Variants in RREB1 observed in about 807,000 individuals in gnomAD.
RREB1 encodes the protein ras-responsive element-binding protein 1.
In RREB1, 27 loss-of-function variants were observed where a neutral mutation model predicts 117.8. That is an observed-to-expected ratio of 0.23 (90% CI 0.17 to 0.32). The LOEUF (loss-of-function observed/expected upper bound fraction) is 0.32, where lower values mean the gene tolerates loss of function less well. RREB1 is among the 10% of genes least tolerant of loss of function. The pLI is 1.00. For synonymous variants in RREB1, 1,298 were observed against 1,026.7 expected (o/e 1.26, Z -5.05); for missense variants, 2,577 against 2,378.2 (o/e 1.08, Z -1.74).
Position 7,148,973 on chromosome 6 carries a change from A to G in RREB1, c.-284-27682A>G, listed in dbSNP as rs563225033. 4.6e-5 allele frequency among the ~76,000 whole-genome samples: 7 copies of G among 152,214 alleles called. No individual in the cohort carries two copies. The South Asian group carries it at 1.5e-3, about 32-fold the overall frequency. On this transcript the variant is annotated intron_variant, in intron 1 of 12. Coordinates refer to ENST00000379938, the MANE Select transcript of RREB1 (RefSeq NM_001003699.4). ...AGTCTTGCTCTGTTGCCCAGAATGG[A>G]GTGCAATGGCATGATTTCGGCTCAC... is the stretch of plus-strand genomic sequence containing the variant.
intron 10 of RREB1, among the ~76,000 whole-genome samples, chr6:7,235,509 G>A (rs1485322575): frequency 6.6e-6 from 1 of 152,154 alleles, no homozygotes; most frequent in African/African-American, 2.4e-5. Flanking sequence ...TTTTGCTTTT[G>A]TACAGACAAG....
At chr6:7,199,000 G>A (rs1765801960) in intron 6 of RREB1, among the ~76,000 whole-genome samples, 2 of 152,132 alleles carry the variant, frequency 1.3e-5, no homozygotes, top group Non-Finnish European at 2.9e-5. Flanking sequence ...CCCCCCAGTA[G>A]CATTATTAAG....
intron 2 of RREB1, among the ~76,000 whole-genome samples, chr6:7,180,675 T>C (rs1361930493): frequency 6.6e-6 from 1 of 152,246 alleles, no homozygotes; most frequent in Non-Finnish European, 1.5e-5. Context: ...ATTCTTTTCA[T>C]GTCGCCAGGT....
At chr6:7,187,633 A>AGTGTTTAACTCCTT in intron 5 of RREB1, 110 bp downstream of exon 5, 1 of 437,900 alleles carries the variant, frequency 2.3e-6, no homozygotes, top group Non-Finnish European at 3.6e-6. Flanking sequence ...TAGAACAAGG[A>AGTGTTTAACTCCTT]GTTAAACACT....
intron 11 of RREB1, among the ~76,000 whole-genome samples, chr6:7,241,317 G>A (rs368510446): frequency 6.6e-5 from 10 of 152,124 alleles, no homozygotes; most frequent in East Asian, 3.9e-4. Context: ...CACTCCATCC[G>A]CTCGGACTGC....
Position 7,160,935 on chromosome 6 carries a change from C to A in RREB1, c.-284-15720C>A, listed in dbSNP as rs561093051. ...TCCTGACCTCGTGATCCACCCGCCT[C>A]AGCCTTCCAAAGTGCTGGGATTACA... is the stretch of plus-strand genomic sequence containing the variant. On this transcript the variant is annotated intron_variant, in intron 1 of 12. Transcript: ENST00000379938. 1.1e-4 allele frequency among the ~76,000 whole-genome samples: 17 copies of A among 152,310 alleles called. No homozygotes were observed. In the South Asian group the frequency reaches 3.3e-3, roughly 30 times the overall value.
At chr6:7,165,492 A>C (rs143611891) in intron 1 of RREB1, among the ~76,000 whole-genome samples, 23 of 152,260 alleles carry the variant, frequency 1.5e-4, no homozygotes, top group African/African-American at 4.8e-4. Context: ...CTTGGTTTCA[A>C]AAGTATGCCA....
intron 1 of RREB1, among the ~76,000 whole-genome samples, chr6:7,170,193 G>A (rs1399201883): frequency 6.6e-6 from 1 of 152,210 alleles, no homozygotes; most frequent in Non-Finnish European, 1.5e-5. Context: ...CCTAGTCAGA[G>A]TAAGGAGCAG....
At chr6:7,224,139 A>T (rs1464875311) in intron 8 of RREB1, among the ~76,000 whole-genome samples, 1 of 152,172 alleles carries the variant, frequency 6.6e-6, no homozygotes, top group African/African-American at 2.4e-5. Context: ...TTTGGCTTGC[A>T]AAATTCTGGT....
intron 10 of RREB1, among the ~76,000 whole-genome samples, chr6:7,232,576 G>A (rs941733765): frequency 6.6e-6 from 1 of 151,922 alleles, no homozygotes; most frequent in South Asian, 2.1e-4. Flanking sequence ...AGGGCCTGGC[G>A]CTGGTCCAGG....
chr6:7,214,935 T>C (rs1344533825), intron 8 of RREB1: 1 of 152,256 alleles, frequency 6.6e-6, no homozygotes, highest in Non-Finnish European at 1.5e-5. Context: ...AATGAAGTGT[T>C]GTCGTAGAAC....
rs1322326780 is a variant in RREB1 at position 7,229,412 on chromosome 6, C to T, written c.1313C>T (p.Ser438Phe). 1.2e-6 allele frequency: 2 copies of T among 1,614,048 alleles called. No individual in the cohort carries two copies. Among genetic ancestry groups the T allele is most frequent in the African/African-American group, 2.7e-5 (2 of 74,932 alleles). Residue 438 changes from serine (S) to phenylalanine (F), a missense_variant, in exon 10 of 13, where the codon TCC becomes TTC. Physicochemically the swap from Ser to Phe is radical, Grantham distance 155 (BLOSUM62 -2). Transcript: ENST00000379938. The surrounding 1 kb of genome is among the most constrained non-coding windows in gnomAD (Gnocchi z 4.5). ...ACCAAGGACAGCATAAAGCACCTGTCCCTGCAGCCCTTCCAGAAGGGCTTC... is the reference window on the plus strand; with the variant it reads ...ACCAAGGACAGCATAAAGCACCTGTTCCTGCAGCCCTTCCAGAAGGGCTTC... The part of the protein sequence containing the change: ...PATKDSIKHL[S>F]LQPFQKGFII...
At chr6:7,240,629 C>T (rs779348205) in intron 11 of RREB1, 27 bp downstream of exon 11, 1 of 1,598,280 alleles carries the variant, frequency 6.3e-7, no homozygotes, top group Non-Finnish European at 8.5e-7. Flanking sequence ...AACAAGAACC[C>T]AGGAAGAGGG....
At position 7,249,628 on chromosome 6, in the gene RREB1, C is replaced by T. The variant is rs907634787; in HGVS notation, c.*660C>T. Reference sequence around the variant, plus strand: ...CCAGGGAAGATTCTAGCTTCAGCCTCATGTCCATTTCCAGTCTGTCAGCAT... The same window carrying T: ...CCAGGGAAGATTCTAGCTTCAGCCTTATGTCCATTTCCAGTCTGTCAGCAT... On this transcript the variant is annotated 3_prime_UTR_variant, in exon 13 of 13. Transcript: ENST00000379938. 3.3e-5 allele frequency: 5 copies of T among 152,168 alleles called. No homozygotes were observed. The highest frequency in any genetic ancestry group is 1.2e-4 in the African/African-American group (5 of 41,420). 9.4% of individuals were successfully genotyped at this position (152,168 alleles called of 1,614,324 possible).
chr6:7,193,416 C>A (rs1419996132), intron 6 of RREB1, among the ~76,000 whole-genome samples: 1 of 152,066 alleles, frequency 6.6e-6, no homozygotes, highest in African/African-American at 2.4e-5. Context: ...TGTACTCTGC[C>A]TTGTAAGGAT....
intron 1 of RREB1, among the ~76,000 whole-genome samples, chr6:7,139,792 C>T (rs1039118550): frequency 7.2e-5 from 11 of 152,170 alleles, no homozygotes; most frequent in Admixed American, 3.3e-4. Context: ...CTCCATTAGA[C>T]TTTGGAAATT....
intron 1 of RREB1, among the ~76,000 whole-genome samples, chr6:7,111,781 T>C (rs981091047): frequency 6.6e-6 from 1 of 152,230 alleles, no homozygotes; most frequent in South Asian, 2.1e-4. Flanking sequence ...GGTGGACTTC[T>C]TGACTATTAC....
At position 7,123,500 on chromosome 6, in the gene RREB1, TGAG is replaced by T. The variant is rs371484161; in HGVS notation, c.-285+15444_-285+15446del. Among the ~76,000 whole-genome samples, 660 of 151,876 alleles carry T rather than the reference TGAG, an allele frequency of 4.3e-3. 5 individuals carry two copies. Among genetic ancestry groups the T allele is most frequent in the Middle Eastern group, 0.017 (5 of 294 alleles). On this transcript the variant is annotated intron_variant, in intron 1 of 12. Coordinates refer to ENST00000379938, the MANE Select transcript of RREB1 (RefSeq NM_001003699.4). ...ATTTTACATAAAGCTCCTGAGGACC[TGAG>T]GAGATTACTGAATAAGTTAATAAAT...
At chr6:7,227,128 G>C (rs1209377743) in intron 9 of RREB1, among the ~76,000 whole-genome samples, 1 of 152,142 alleles carries the variant, frequency 6.6e-6, no homozygotes, top group African/African-American at 2.4e-5. Context: ...AGTAGTCCCA[G>C]CTACTTGGGA....
Sources: allele counts gnomAD v4.1 joint callset (sites outside exome capture counted in the v4.1 genomes callset), GRCh38; gene constraint gnomAD v4.1.1; non-coding constraint Gnocchi (gnomAD v3.1); transcripts MANE v1.5; gene names NCBI Gene and HGNC (gene_info 2026-07-23, HGNC 2026-07-21).